The following MPLKIP variants were observed in gnomAD, a reference collection of about 807,000 sequenced individuals.
MPLKIP encodes the protein M-phase-specific PLK1-interacting protein.
MPLKIP carries 16 observed loss-of-function variants against 16.9 expected under a neutral mutation model. That is an observed-to-expected ratio of 0.94 (90% CI 0.64 to 1.43). The LOEUF (loss-of-function observed/expected upper bound fraction) is 1.43, where lower values mean the gene tolerates loss of function less well. Among genes scored for constraint, MPLKIP ranks in the 40% most tolerant of loss-of-function variants. The pLI is 0.00. For missense variants in MPLKIP, 282 were observed against 237.6 expected (o/e 1.19, Z -1.23); for synonymous variants, 126 against 98.4 (o/e 1.28, Z -1.66).
chr7:40,132,691 A>C lies in MPLKIP; in HGVS notation c.*368T>G. On this transcript the variant is annotated 3_prime_UTR_variant, in exon 2 of 2. Coordinates refer to ENST00000306984, the MANE Select transcript of MPLKIP (RefSeq NM_138701.4). The stretch of plus-strand genomic sequence containing the variant: ...ACCTATGAACTCTAAGTGACTACAA[A>C]GCATTACTGTAGTAAGTCTACTTCT... The C allele has an allele frequency of 3.2e-6, 1 of 308,066 alleles. No homozygotes were observed. Among genetic ancestry groups the C allele is most frequent in the South Asian group, 2.9e-5 (1 of 33,908 alleles). 19.1% of individuals were successfully genotyped at this position (308,066 alleles called of 1,614,324 possible). A position where few individuals can be genotyped will look rare whatever the true frequency, so the allele number is the denominator to read the frequency against.
At chr7:40,133,707 T>C (rs565873073) in intron 1 of MPLKIP, among the ~76,000 whole-genome samples, 1 of 152,130 alleles carries the variant, frequency 6.6e-6, no homozygotes, top group South Asian at 2.1e-4. Context: ...TGGTGTAGAA[T>C]ACAGCAAGTT....
In MPLKIP at chr7:40,128,545, C is replaced by T. The variant is rs1373228152; in HGVS notation, c.*4514G>A. 2 of 152,148 alleles carry T rather than the reference C, an allele frequency of 1.3e-5. No individual in the cohort carries two copies. The highest frequency in any genetic ancestry group is 2.9e-5 in the Non-Finnish European group (2 of 68,034). The allele number at this position is 152,148 out of a possible 1,614,324, so 9.4% of individuals were successfully genotyped here. A position where few individuals can be genotyped will look rare whatever the true frequency, so the allele number is the denominator to read the frequency against. On this transcript the variant is annotated 3_prime_UTR_variant, in exon 2 of 2. Coordinates refer to ENST00000306984, the MANE Select transcript of MPLKIP (RefSeq NM_138701.4). ...AAGTAAACATGAAACTTTTAACTTC[C>T]TCCTCCTTGATATCATGCAAACTAT...
In MPLKIP at chr7:40,131,399, T is replaced by C. The variant is rs1352314778; in HGVS notation, c.*1660A>G. ...CAAAATGCCTAGAGTCTGTGTTACA[T>C]GTTAAAACACCTGATTTTGGCCGGG... On this transcript the variant is annotated 3_prime_UTR_variant, in exon 2 of 2. Coordinates refer to ENST00000306984, the MANE Select transcript of MPLKIP (RefSeq NM_138701.4). 1 of 152,162 alleles carries C rather than the reference T, an allele frequency of 6.6e-6. No individual in the cohort carries two copies. Among genetic ancestry groups the C allele is most frequent in the Admixed American group, 6.5e-5 (1 of 15,282 alleles). 9.4% of individuals were successfully genotyped at this position (152,162 alleles called of 1,614,324 possible).
rs938509735 is a variant in MPLKIP at position 40,132,311 on chromosome 7, G to C, written c.*748C>G. The stretch of plus-strand genomic sequence containing the variant: ...TCTTCTCTTGGATTGATGGAGATGA[G>C]AGATGTTCTTTTTGCAATGGAAGTG... On this transcript the variant is annotated 3_prime_UTR_variant, in exon 2 of 2. Transcript: ENST00000306984. 4 of 152,302 alleles carry C rather than the reference G, an allele frequency of 2.6e-5. No individual in the cohort carries two copies. Among genetic ancestry groups the C allele is most frequent in the Non-Finnish European group, 5.9e-5 (4 of 68,116 alleles). 9.4% of individuals were successfully genotyped at this position (152,302 alleles called of 1,614,324 possible).
Position 40,133,253 on chromosome 7 carries a change from G to A in MPLKIP, c.346C>T (p.Pro116Ser), listed in dbSNP as rs926238318. 1.4e-5 allele frequency: 22 copies of A among 1,612,198 alleles called. No homozygotes were observed. The African/African-American group carries it at 2.5e-4, about 19-fold the overall frequency. ...GATCCAAATGGTGTAGATGTCCTTGGAGAACCCTTTAGAAAAAAAATCAGT... is the reference window on the plus strand; with the variant it reads ...GATCCAAATGGTGTAGATGTCCTTGAAGAACCCTTTAGAAAAAAAATCAGT... ...GQQQTHPQGS[P>S]RTSTPFGSGR... Residue 116 changes from proline (P) to serine (S), a missense_variant, in exon 2 of 2, where the codon CCA becomes TCA. By Grantham distance (74) the Pro-to-Ser change is moderately conservative (BLOSUM62 -1). Transcript: ENST00000306984.
Position 40,133,140 on chromosome 7 carries a change from T to C in MPLKIP, c.459A>G (p.Glu153=). 6.2e-7 allele frequency: 1 copy of C among 1,614,040 alleles called. No individual in the cohort carries two copies. The highest frequency in any genetic ancestry group is 8.5e-7 in the Non-Finnish European group (1 of 1,179,978). ...GGCTTATATCCACTACAGATACTGG[T>C]TCTAGGCCAGCCCAAGGATCTTCAA... ...SMLEDPWAGL[E]PVSVVDISQQ... is the part of the protein sequence containing the mutation. The change falls in exon 2 of 2, where the codon GAA becomes GAG. Residue 153 remains glutamate, a synonymous_variant. Coordinates refer to ENST00000306984, the MANE Select transcript of MPLKIP (RefSeq NM_138701.4).
rs1787487463 is a variant in MPLKIP at position 40,133,088 on chromosome 7, T to G, written c.511A>C (p.Thr171Pro). The change falls in exon 2 of 2, where the codon ACA becomes CCA. Residue 171 changes from threonine to proline, a missense_variant. Thr to Pro is a conservative substitution (Grantham distance 38). Transcript: ENST00000306984. ...CAAAAGTATCTTCCTTTTTTGCCTG[T>G]GAATGTTTGAGTATTGCTGTATTGT... Reference protein sequence around the residue: ...SQQYSNTQTFTGKKGRYFC With the variant: ...SQQYSNTQTFPGKKGRYFC 1 of 1,613,994 alleles carries G rather than the reference T, an allele frequency of 6.2e-7. No individual in the cohort carries two copies. Among genetic ancestry groups the G allele is most frequent in the African/African-American group, 1.3e-5 (1 of 75,052 alleles).
In MPLKIP at chr7:40,130,079, C is replaced by G. The variant is rs535374316; in HGVS notation, c.*2980G>C. 3.9e-5 allele frequency: 6 copies of G among 152,282 alleles called. No homozygotes were observed. The South Asian group carries it at 1.2e-3, about 32-fold the overall frequency. The allele number at this position is 152,282 out of a possible 1,614,324, so 9.4% of individuals were successfully genotyped here. A position where few individuals can be genotyped will look rare whatever the true frequency, so the allele number is the denominator to read the frequency against. ...GATCTGAATTTGCATTCCCTTAAAG[C>G]TATTTATGCCTGCATATCCCTTAGA... On this transcript the variant is annotated 3_prime_UTR_variant, in exon 2 of 2. Transcript: ENST00000306984.
Position 40,132,037 on chromosome 7 carries a change from T to G in MPLKIP, c.*1022A>C, listed in dbSNP as rs930261461. 1 of 152,124 alleles carries G rather than the reference T, an allele frequency of 6.6e-6. No individual in the cohort carries two copies. The highest frequency in any genetic ancestry group is 2.4e-5 in the African/African-American group (1 of 41,430). 9.4% of individuals were successfully genotyped at this position (152,124 alleles called of 1,614,324 possible). On this transcript the variant is annotated 3_prime_UTR_variant, in exon 2 of 2. Transcript: ENST00000306984. ...AACAAACAAAAAACCACTTGATTTTTAAAAAATAGTTGGGGTAACAATTCT... is the reference window on the plus strand; with the variant it reads ...AACAAACAAAAAACCACTTGATTTTGAAAAAATAGTTGGGGTAACAATTCT...
rs1326384613 is a variant in MPLKIP, at chr7:40,126,689, A to G, written c.*6370T>C. 1 of 152,186 alleles carries G rather than the reference A, an allele frequency of 6.6e-6. No individual in the cohort carries two copies. Among genetic ancestry groups the G allele is most frequent in the African/African-American group, 2.4e-5 (1 of 41,420 alleles). The allele number at this position is 152,186 out of a possible 1,614,324, so 9.4% of individuals were successfully genotyped here. On this transcript the variant is annotated 3_prime_UTR_variant, in exon 2 of 2. Coordinates refer to ENST00000306984, the MANE Select transcript of MPLKIP (RefSeq NM_138701.4). The stretch of plus-strand genomic sequence containing the variant: ...TGATCTGCCCGCCTCGGCCTCCCAA[A>G]GTGCTGGGATTACAGGCGTGAGCCA...
In MPLKIP at chr7:40,132,851, T is replaced by G; in HGVS notation, c.*208A>C. On this transcript the variant is annotated 3_prime_UTR_variant, in exon 2 of 2. Transcript: ENST00000306984. The stretch of plus-strand genomic sequence containing the variant: ...ATGGAAACGGTAAATCTCTAAAATG[T>G]GGTAGGTACTTCCAGAGCTAAATGT... 1 of 582,960 alleles carries G rather than the reference T, an allele frequency of 1.7e-6. No individual in the cohort carries two copies. The highest frequency in any genetic ancestry group is 3.0e-6 in the Non-Finnish European group (1 of 328,066). 36.1% of individuals were successfully genotyped at this position (582,960 alleles called of 1,614,324 possible). A position where few individuals can be genotyped will look rare whatever the true frequency, so the allele number is the denominator to read the frequency against.
chr7:40,129,019 T>C lies in MPLKIP; in HGVS notation c.*4040A>G, dbSNP rs962591771. On this transcript the variant is annotated 3_prime_UTR_variant, in exon 2 of 2. Transcript: ENST00000306984. ...TTTTTACTAATCTTGAATATTTTAA[T>C]TCTTAGGTAGATGAGGCAAAGAGCC... 1 of 151,970 alleles carries C rather than the reference T, an allele frequency of 6.6e-6. No homozygotes were observed. The highest frequency in any genetic ancestry group is 2.4e-5 in the African/African-American group (1 of 41,340). 9.4% of individuals were successfully genotyped at this position (151,970 alleles called of 1,614,324 possible).
rs1330647420 is a variant in MPLKIP at position 40,133,115 on chromosome 7, G to A, written c.484C>T (p.Gln162Ter). The A allele has an allele frequency of 1.2e-6, 2 of 1,613,806 alleles. No homozygotes were observed. The highest frequency in any genetic ancestry group is 1.7e-6 in the Non-Finnish European group (2 of 1,179,958). Residue 162 changes from glutamine (Q) to a stop codon, truncating the protein, a stop_gained, in exon 2 of 2, where the codon CAA becomes TAA. Transcript: ENST00000306984. LOFTEE classifies it high-confidence loss of function. Reference sequence around the variant, plus strand: ...AATGTTTGAGTATTGCTGTATTGTTGGCTTATATCCACTACAGATACTGGT... The same window carrying A: ...AATGTTTGAGTATTGCTGTATTGTTAGCTTATATCCACTACAGATACTGGT... ...LEPVSVVDIS[Q>*]QYSNTQTFTG... is the part of the protein sequence containing the mutation.
At chr7:40,133,523 T>C (rs957871300) in intron 1 of MPLKIP, among the ~76,000 whole-genome samples, 3 of 152,256 alleles carry the variant, frequency 2.0e-5, no homozygotes, top group Non-Finnish European at 4.4e-5. Context: ...GTAGTAACTT[T>C]GCAGTAATTA....
chr7:40,126,483 G>C lies in MPLKIP; in HGVS notation c.*6576C>G, dbSNP rs1331115996. On this transcript the variant is annotated 3_prime_UTR_variant, in exon 2 of 2. Transcript: ENST00000306984. Reference sequence around the variant, plus strand: ...GGATCTCCCTGTGTTGCCCAGGCTGGAGTGCAGTGGTGAGATCTTGGCTCA... The same window carrying C: ...GGATCTCCCTGTGTTGCCCAGGCTGCAGTGCAGTGGTGAGATCTTGGCTCA... The C allele has an allele frequency of 6.6e-6, 1 of 152,130 alleles. No homozygotes were observed. Among genetic ancestry groups the C allele is most frequent in the Non-Finnish European group, 1.5e-5 (1 of 68,034 alleles). The allele number at this position is 152,130 out of a possible 1,614,324, so 9.4% of individuals were successfully genotyped here.
At position 40,133,492 on chromosome 7, in the gene MPLKIP, T is replaced by A. The variant is rs376065989; in HGVS notation, c.340-233A>T. Among the ~76,000 whole-genome samples, 39 of 152,338 alleles carry A rather than the reference T, an allele frequency of 2.6e-4. 1 individual carries two copies. In the South Asian group the frequency reaches 7.0e-3, roughly 27 times the overall value. ...TTATAATTCCATGACCACTGTCATC[T>A]CAAATACTTTTGTGTCTAATGTAGT... On this transcript the variant is annotated intron_variant, in intron 1 of 1. Transcript: ENST00000306984.
chr7:40,133,045 G>GC lies in MPLKIP; in HGVS notation c.*13_*14insG, dbSNP rs1344394148. The GC allele has an allele frequency of 6.2e-7, 1 of 1,610,968 alleles. No homozygotes were observed. Among genetic ancestry groups the GC allele is most frequent in the East Asian group, 2.2e-5 (1 of 44,828 alleles). On this transcript the variant is annotated 3_prime_UTR_variant, in exon 2 of 2. Coordinates refer to ENST00000306984, the MANE Select transcript of MPLKIP (RefSeq NM_138701.4). Reference sequence around the variant, plus strand: ...TTCCTGACACATGAAGCTTCCAGTTGAATTTCAGAAATGTTAACAAAAGTA... The same window carrying GC: ...TTCCTGACACATGAAGCTTCCAGTTGCAATTTCAGAAATGTTAACAAAAGTA...
At chr7:40,133,294 T>C (rs1787498332) in intron 1 of MPLKIP, 35 bp from the exon 2 acceptor site, 2 of 1,562,844 alleles carry the variant, frequency 1.3e-6, no homozygotes, top group African/African-American at 2.7e-5. Context: ...AAACACTTAG[T>C]AAAGATAATT....
rs1562781479 is a variant in MPLKIP at position 40,133,068 on chromosome 7, G to A, written c.531C>T (p.Tyr177=). ...TTGAATTTCAGAAATGTTAACAAAA[G>A]TATCTTCCTTTTTTGCCTGTGAATG... The part of the protein sequence containing the change: ...TQTFTGKKGR[Y]FC The change falls in exon 2 of 2, where the codon TAC becomes TAT. Residue 177 remains tyrosine, a synonymous_variant. Transcript: ENST00000306984. 6.2e-7 allele frequency: 1 copy of A among 1,613,638 alleles called. No individual in the cohort carries two copies. The highest frequency in any genetic ancestry group is 8.5e-7 in the Non-Finnish European group (1 of 1,179,780).
Sources: allele counts gnomAD v4.1 joint callset (sites outside exome capture counted in the v4.1 genomes callset), GRCh38; gene constraint gnomAD v4.1.1; transcripts MANE v1.5; gene names NCBI Gene and HGNC (gene_info 2026-07-23, HGNC 2026-07-21).